Variants in SLIT1 observed in about 807,000 individuals in gnomAD.
SLIT1 encodes the protein slit guidance ligand 1, also known as slit homolog 1 protein.
In SLIT1, 66 loss-of-function variants were observed where a neutral mutation model predicts 186.1. The observed-to-expected ratio is 0.35, with a 90% CI of 0.29 to 0.44. SLIT1 has a LOEUF of 0.44. Ranked by LOEUF, SLIT1 falls within the 20% of genes least tolerant of loss-of-function variation. The probability of loss-of-function intolerance (pLI) is 1.00; values close to 1 mark genes in which losing one functional copy is unlikely to be tolerated. For synonymous variants in SLIT1, 761 were observed against 833.8 expected, an observed-to-expected ratio of 0.91 and a Z score of 1.50; for missense variants, 1,638 against 2,037.4, an observed-to-expected ratio of 0.80 and a Z score of 3.77.
rs1274897041 is a variant in SLIT1, at chr10:97,021,684, T to G, written c.2583-271A>C. On this transcript the variant is annotated intron_variant, in intron 25 of 36. Transcript: ENST00000266058. The surrounding 1 kb of genome is among the most constrained non-coding windows in gnomAD (Gnocchi z 4.5). ...TTTAAGCAATTCTCCTGTCTCATAC[T>G]CCCAAGTATCTGGGATTACAGACAC... 6.6e-6 allele frequency among the ~76,000 whole-genome samples: 1 copy of G among 151,778 alleles called. No individual in the cohort carries two copies.
At position 97,031,751 on chromosome 10, in the gene SLIT1, C is replaced by T. The variant is rs770103331; in HGVS notation, c.2439-74G>A. 20 of 1,205,508 alleles carry T rather than the reference C, an allele frequency of 1.7e-5. 1 individual carries two copies. The highest frequency in any genetic ancestry group is 1.3e-4 in the Admixed American group (6 of 46,778). The allele number at this position is 1,205,508 out of a possible 1,614,324, so 74.7% of individuals were successfully genotyped here. ...CTGTGGGCACAGCCGCCGCCCAGGA[C>T]GTGGAGGTCCCTCTCACCCAGCAGC... On this transcript the variant is annotated intron_variant, in intron 23 of 36. Coordinates refer to ENST00000266058, the MANE Select transcript of SLIT1 (RefSeq NM_003061.3).
intron 4 of SLIT1, among the ~76,000 whole-genome samples, chr10:97,145,836 G>A (rs1278801072): frequency 6.6e-6 from 1 of 152,192 alleles, no homozygotes. Flanking sequence ...CAGACAGACT[G>A]CGGCAGTGAG....
chr10:97,137,740 C>T (rs1221089435), intron 4 of SLIT1, among the ~76,000 whole-genome samples: 2 of 152,098 alleles, frequency 1.3e-5, no homozygotes, highest in Non-Finnish European at 2.9e-5. Context: ...TGTGCCCCAC[C>T]ATCCCCAGCT....
At chr10:97,048,796 TAGGCGGGCAGGTATGC>T (rs1848759372) in intron 14 of SLIT1, among the ~76,000 whole-genome samples, 143 bp downstream of exon 14, 1 of 144,998 alleles carries the variant, frequency 6.9e-6, no homozygotes, top group Non-Finnish European at 1.5e-5. Flanking sequence ...AACAGGTGGG[TAGGCGGGCAGGTATGC>T]AGGTGGACAG....
chr10:97,135,561 A>AGCCG (rs1336056733), intron 4 of SLIT1, among the ~76,000 whole-genome samples: 6 of 152,164 alleles, frequency 3.9e-5, no homozygotes, highest in Non-Finnish European at 7.4e-5. Context: ...ATAGTGAGGA[A>AGCCG]GCCGGGGTGG....
At chr10:97,180,410 A>G (rs1239220378) in intron 1 of SLIT1, among the ~76,000 whole-genome samples, 1 of 152,192 alleles carries the variant, frequency 6.6e-6, no homozygotes, top group Non-Finnish European at 1.5e-5. Context: ...TTTCCTCCAG[A>G]GCACTTATCC....
In SLIT1 at chr10:97,066,032, A is replaced by G; in HGVS notation, c.468T>C (p.Ala156=). Residue 156 remains alanine (A), a synonymous_variant, in exon 5 of 37, where the codon GCT becomes GCC. Coordinates refer to ENST00000266058, the MANE Select transcript of SLIT1 (RefSeq NM_003061.3). The stretch of plus-strand genomic sequence containing the variant: ...GTACTCACAAATTTTTAAGGTCCGT[A>G]GCTCCCCGAAAAGCTTTCCTGGGGA... ...QAIPRKAFRG[A]TDLKNLQLDK... 1.2e-6 allele frequency: 2 copies of G among 1,605,098 alleles called. No homozygotes were observed. The highest frequency in any genetic ancestry group is 1.7e-6 in the Non-Finnish European group (2 of 1,175,030).
At chr10:97,053,178 T>G (rs1204306320) in intron 13 of SLIT1, among the ~76,000 whole-genome samples, 1 of 152,210 alleles carries the variant, frequency 6.6e-6, no homozygotes. Flanking sequence ...CAAAGAACAG[T>G]GGCTCACATG....
chr10:97,109,773 TA>T (rs1849447930), intron 4 of SLIT1, among the ~76,000 whole-genome samples: 5 of 152,158 alleles, frequency 3.3e-5, no homozygotes, highest in Admixed American at 3.3e-4. Flanking sequence ...TTCCCTTCTG[TA>T]GCACATTAAA....
rs147389982 is a variant in SLIT1, at chr10:97,132,557, C to T, written c.413+25261G>A. On this transcript the variant is annotated intron_variant, in intron 4 of 36. Transcript: ENST00000266058. Reference sequence around the variant, plus strand: ...TCCCATCCCAGGTTGCCAACCCAGTCATCAGCCCATTGCCACCACCCTCTT... The same window carrying T: ...TCCCATCCCAGGTTGCCAACCCAGTTATCAGCCCATTGCCACCACCCTCTT... Among the ~76,000 whole-genome samples, 584 of 152,318 alleles carry T rather than the reference C, an allele frequency of 3.8e-3. 2 individuals carry two copies. The highest frequency in any genetic ancestry group is 0.011 in the African/African-American group (450 of 41,562).
chr10:97,070,727 G>A (rs879424606), intron 4 of SLIT1, among the ~76,000 whole-genome samples: 2 of 152,180 alleles, frequency 1.3e-5, no homozygotes, highest in Non-Finnish European at 2.9e-5. Context: ...TTCACCACAC[G>A]CCAAATCTGC....
intron 11 of SLIT1, among the ~76,000 whole-genome samples, chr10:97,059,054 A>G (rs1848866923): frequency 1.3e-5 from 2 of 152,214 alleles, no homozygotes; most frequent in South Asian, 2.1e-4. Context: ...AGATGTCACA[A>G]CTGGAGCTGG....
intron 4 of SLIT1, among the ~76,000 whole-genome samples, chr10:97,066,972 G>A (rs1473808450): frequency 1.3e-5 from 2 of 152,162 alleles, no homozygotes; most frequent in Non-Finnish European, 2.9e-5. Flanking sequence ...GGTGCGCCTG[G>A]GGCTTACGCT....
chr10:97,079,521 C>T (rs1219809966), intron 4 of SLIT1, among the ~76,000 whole-genome samples: 2 of 152,240 alleles, frequency 1.3e-5, no homozygotes, highest in Non-Finnish European at 2.9e-5. Context: ...AGTGCCCTCC[C>T]TCTCCAGTCC....
At chr10:97,177,686 G>T (rs778256263) in intron 1 of SLIT1, among the ~76,000 whole-genome samples, 2 of 152,090 alleles carry the variant, frequency 1.3e-5, no homozygotes, top group African/African-American at 4.8e-5. Context: ...AAAAAAAGAA[G>T]GAAATCAGGC....
At chr10:97,038,005 T>C (rs1488946577) in intron 21 of SLIT1, among the ~76,000 whole-genome samples, 1 of 152,058 alleles carries the variant, frequency 6.6e-6, no homozygotes, top group East Asian at 1.9e-4. Context: ...CTCTCTCGGT[T>C]CCCTTCTCGC....
chr10:97,153,626 C>CCAA (rs1382109815), intron 4 of SLIT1: 1 of 152,210 alleles, frequency 6.6e-6, no homozygotes, highest in Non-Finnish European at 1.5e-5. Context: ...ACAATCCCTG[C>CCAA]CAACAGCTCA....
At chr10:97,058,014 C>T (rs1344813387) in intron 11 of SLIT1, 5 of 717,286 alleles carry the variant, frequency 7.0e-6, no homozygotes, top group Non-Finnish European at 1.3e-5. Flanking sequence ...GCTTCAAGGT[C>T]ATTCCTGGAG....
At chr10:97,168,581 G>A (rs2134733910) in intron 1 of SLIT1, among the ~76,000 whole-genome samples, 1 of 152,276 alleles carries the variant, frequency 6.6e-6, no homozygotes, top group African/African-American at 2.4e-5. Flanking sequence ...TGGCCATAAA[G>A]TGTCCCTTCA....
Sources: allele counts gnomAD v4.1 joint callset (sites outside exome capture counted in the v4.1 genomes callset), GRCh38; gene constraint gnomAD v4.1.1; non-coding constraint Gnocchi (gnomAD v3.1); transcripts MANE v1.5; gene names NCBI Gene and HGNC (gene_info 2026-07-23, HGNC 2026-07-21).